The following FBLN5 variants were observed in gnomAD, a reference collection of about 807,000 sequenced individuals.
FBLN5 encodes the protein fibulin-5.
In FBLN5, 24 loss-of-function variants were observed where a neutral mutation model predicts 61.6. The observed-to-expected ratio is 0.39, with a 90% CI of 0.28 to 0.55. The LOEUF (loss-of-function observed/expected upper bound fraction) is 0.55, where lower values mean the gene tolerates loss of function less well. Among genes scored for constraint, FBLN5 ranks in the 20% least tolerant of loss-of-function variants. The pLI, the probability that FBLN5 is intolerant of heterozygous loss-of-function variation, is 0.65. For missense variants in FBLN5, 470 were observed against 594.1 expected (o/e 0.79, Z 2.17); for synonymous variants, 213 against 219.8 (o/e 0.97, Z 0.27).
intron 4 of FBLN5, among the ~76,000 whole-genome samples, chr14:91,927,586 C>T (rs902420340): frequency 6.6e-6 from 1 of 152,242 alleles, no homozygotes; most frequent in South Asian, 2.1e-4. Flanking sequence ...AGAATGACTG[C>T]ACTTCTCTAA....
At chr14:91,908,521 C>A (rs1355609151) in intron 4 of FBLN5, among the ~76,000 whole-genome samples, 1 of 152,214 alleles carries the variant, frequency 6.6e-6, no homozygotes, top group Non-Finnish European at 1.5e-5. Flanking sequence ...TGAGCCCAGT[C>A]TTTTCTTGAC....
intron 4 of FBLN5, among the ~76,000 whole-genome samples, chr14:91,904,799 G>A (rs750429744): frequency 9.8e-5 from 15 of 152,312 alleles, no homozygotes; most frequent in Non-Finnish European, 1.6e-4. Flanking sequence ...TGGATAATGG[G>A]CTTCAACATA....
At chr14:91,895,427 G>A (rs983462341) in intron 4 of FBLN5, among the ~76,000 whole-genome samples, 3 of 152,168 alleles carry the variant, frequency 2.0e-5, no homozygotes, top group South Asian at 2.1e-4. Flanking sequence ...TCATTCATAT[G>A]TTAAACAGGG....
intron 4 of FBLN5, among the ~76,000 whole-genome samples, chr14:91,929,344 T>C (rs1324934259): frequency 6.6e-6 from 1 of 152,162 alleles, no homozygotes. Context: ...TTGCCTACAA[T>C]GGACAGTAAT....
chr14:91,924,949 A>G lies in FBLN5; in HGVS notation c.379+11998T>C, dbSNP rs539085557. Among the ~76,000 whole-genome samples the G allele has an allele frequency of 3.5e-4, 53 of 152,314 alleles. No homozygotes were observed. The South Asian group carries it at 0.01, about 30-fold the overall frequency. ...TTCCCTAATGGAATGAAGCAGAGTCAGGGTTTTTTGTGTCTTTGCATTGTT... is the reference window on the plus strand; with the variant it reads ...TTCCCTAATGGAATGAAGCAGAGTCGGGGTTTTTTGTGTCTTTGCATTGTT... On this transcript the variant is annotated intron_variant, in intron 4 of 10. Coordinates refer to ENST00000342058, the MANE Select transcript of FBLN5 (RefSeq NM_006329.4).
intron 4 of FBLN5, among the ~76,000 whole-genome samples, chr14:91,919,339 GA>G (rs145952331): frequency 0.44 from 30,929 of 70,896 alleles, 6,248 homozygotes; most frequent in Non-Finnish European, 0.53. Context: ...TCAAAAAAAA[GA>G]AAAAAAAAAA....
intron 4 of FBLN5, among the ~76,000 whole-genome samples, chr14:91,934,289 G>A (rs2055976675): frequency 6.6e-6 from 1 of 152,176 alleles, no homozygotes; most frequent in African/African-American, 2.4e-5. Flanking sequence ...ACCTCACTGA[G>A]CCTGTTTTCT....
intron 5 of FBLN5, 95 bp from the exon 6 acceptor site, chr14:91,891,432 A>T: frequency 1.2e-6 from 1 of 844,472 alleles, no homozygotes. Flanking sequence ...CCCAAACAGG[A>T]TCATGAACGG....
intron 4 of FBLN5, among the ~76,000 whole-genome samples, chr14:91,932,812 A>G (rs1267570800): frequency 2.6e-5 from 4 of 152,254 alleles, no homozygotes; most frequent in African/African-American, 9.6e-5. Context: ...TCTTCAACAA[A>G]TAAGTGGCCA....
intron 4 of FBLN5, among the ~76,000 whole-genome samples, chr14:91,912,001 CAT>C (rs1340278786): frequency 3.3e-5 from 5 of 152,194 alleles, no homozygotes; most frequent in African/African-American, 1.2e-4. Flanking sequence ...TGTCTCATGT[CAT>C]ATGAATATTA....
intron 4 of FBLN5, among the ~76,000 whole-genome samples, chr14:91,899,910 A>G (rs921894931): frequency 6.6e-6 from 1 of 152,222 alleles, no homozygotes; most frequent in African/African-American, 2.4e-5. Flanking sequence ...CAACTGTCCA[A>G]CAATCTCGGG....
chr14:91,946,686 A>T lies in FBLN5; in HGVS notation c.17+527T>A, dbSNP rs1048607302. On this transcript the variant is annotated intron_variant, in intron 1 of 10. Transcript: ENST00000342058. Reference sequence around the variant, plus strand: ...ACTTAACTGTAATTGCAATTTCCTTAAAGAATAGCAAAACATTTGCTTACA... The same window carrying T: ...ACTTAACTGTAATTGCAATTTCCTTTAAGAATAGCAAAACATTTGCTTACA... The T allele has an allele frequency of 5.8e-5, 88 of 1,525,024 alleles. No homozygotes were observed. In the African/African-American group the frequency reaches 1.2e-3, roughly 20 times the overall value. 94.5% of individuals were successfully genotyped at this position (1,525,024 alleles called of 1,614,324 possible).
rs966392105 is a variant in FBLN5 at position 91,887,201 on chromosome 14, T to C, written c.731A>G (p.His244Arg). 6.2e-7 allele frequency: 1 copy of C among 1,613,604 alleles called. No individual in the cohort carries two copies. Among genetic ancestry groups the C allele is most frequent in the Non-Finnish European group, 8.5e-7 (1 of 1,179,958 alleles). ...PGYELEEDGV[H>R]CSDMDECSFS... Reference sequence around the variant, plus strand: ...ATGCGAAAGCCCATTACCACTGCAATGAACGCCATCTTCCTCAAGTTCATA... The same window carrying C: ...ATGCGAAAGCCCATTACCACTGCAACGAACGCCATCTTCCTCAAGTTCATA... Residue 244 changes from histidine to arginine, a missense_variant, in exon 7 of 11, where the codon CAT becomes CGT. By Grantham distance (29) the His-to-Arg change is conservative. Transcript: ENST00000342058.
chr14:91,898,721 TC>T (rs1890326672), intron 4 of FBLN5, among the ~76,000 whole-genome samples: 1 of 150,282 alleles, frequency 6.7e-6, no homozygotes, highest in Non-Finnish European at 1.5e-5. Context: ...TCAGGAAGAG[TC>T]CCCTAAGAGA....
chr14:91,944,232 C>CA (rs1450774934), intron 1 of FBLN5, among the ~76,000 whole-genome samples: 6 of 151,990 alleles, frequency 3.9e-5, no homozygotes, highest in African/African-American at 1.4e-4. Flanking sequence ...GACTCTGTCT[C>CA]AAAAAATAAA....
At chr14:91,871,733 T>C (rs989456121) in intron 10 of FBLN5, among the ~76,000 whole-genome samples, 1 of 152,074 alleles carries the variant, frequency 6.6e-6, no homozygotes, top group African/African-American at 2.4e-5. Flanking sequence ...GGCAGGTGCC[T>C]GTAATCCCAG....
rs759056069 is a variant in FBLN5 at position 91,891,207 on chromosome 14, T to C, written c.619+14A>G. ...GTCTCACATCATGTCCAAGTTATCATGCACGTCACATACCTTGGCAAGACC... is the reference window on the plus strand; with the variant it reads ...GTCTCACATCATGTCCAAGTTATCACGCACGTCACATACCTTGGCAAGACC... On this transcript the variant is annotated intron_variant, in intron 6 of 10. Coordinates refer to ENST00000342058, the MANE Select transcript of FBLN5 (RefSeq NM_006329.4). The C allele has an allele frequency of 1.4e-6, 2 of 1,421,280 alleles. No individual in the cohort carries two copies. Among genetic ancestry groups the C allele is most frequent in the African/African-American group, 2.8e-5 (2 of 71,204 alleles). 88.0% of individuals were successfully genotyped at this position (1,421,280 alleles called of 1,614,324 possible).
At chr14:91,921,197 C>T (rs2430368) in intron 4 of FBLN5, among the ~76,000 whole-genome samples, 140,153 of 152,256 alleles carry the variant, frequency 0.92, 64,740 homozygotes, top group Non-Finnish European at 0.96. Flanking sequence ...AAGGCTCAAG[C>T]ATGAAAAAGT....
chr14:91,893,436 C>G (rs112304551), intron 5 of FBLN5, among the ~76,000 whole-genome samples: 2 of 152,182 alleles, frequency 1.3e-5, no homozygotes, highest in African/African-American at 2.4e-5. Context: ...AAGGATGCTT[C>G]GGACGGGGCT....
Sources: gnomAD v4.1 joint callset for allele counts (sites outside exome capture counted in the v4.1 genomes callset) on GRCh38, gnomAD v4.1.1 for gene constraint, MANE v1.5 for transcripts, NCBI Gene and HGNC (gene_info 2026-07-23, HGNC 2026-07-21) for gene names.